Variants in ESR1 observed in about 807,000 individuals in gnomAD.
ESR1 encodes estrogen receptor.
A neutral mutation model predicts 52.7 loss-of-function variants in ESR1; 12 were observed. That is an observed-to-expected ratio of 0.23 (90% CI 0.15 to 0.37). The LOEUF (loss-of-function observed/expected upper bound fraction) is 0.37, where lower values mean the gene tolerates loss of function less well. Among genes scored for constraint, ESR1 ranks in the 10% least tolerant of loss-of-function variants. ESR1 has a pLI of 1.00. For missense variants in ESR1, 584 were observed against 779.7 expected (o/e 0.75, Z 2.99); for synonymous variants, 305 against 316.8 (o/e 0.96, Z 0.39).
chr6:152,002,133 A>G (rs947778310), intron 4 of ESR1, among the ~76,000 whole-genome samples: 6 of 151,738 alleles, frequency 4.0e-5, no homozygotes, highest in Non-Finnish European at 7.4e-5. Context: ...TTCCAGAACT[A>G]TAAGTCCCTG....
At chr6:152,039,247 C>T (rs185901744) in intron 5 of ESR1, among the ~76,000 whole-genome samples, 3 of 152,260 alleles carry the variant, frequency 2.0e-5, no homozygotes, top group Non-Finnish European at 4.4e-5. Context: ...ATTTGTAGTC[C>T]TGCCTGGATC....
chr6:151,709,541 G>A (rs1389325128), intron 2 of ESR1, among the ~76,000 whole-genome samples: 1 of 152,120 alleles, frequency 6.6e-6, no homozygotes, highest in African/African-American at 2.4e-5. Context: ...TATGATTACT[G>A]TTTTCCATAG....
chr6:151,796,123 G>A (rs554436476), intron 2 of ESR1, among the ~76,000 whole-genome samples: 119 of 150,458 alleles, frequency 7.9e-4, no homozygotes, highest in Admixed American at 6.2e-3. Flanking sequence ...CCGAGATTGG[G>A]CCACTGCACG....
chr6:151,859,949 T>C (rs928807540), intron 2 of ESR1, among the ~76,000 whole-genome samples: 1 of 152,194 alleles, frequency 6.6e-6, no homozygotes, highest in Non-Finnish European at 1.5e-5. Context: ...TTAGAGTTCA[T>C]GCTTAACCTA....
intron 2 of ESR1, among the ~76,000 whole-genome samples, chr6:151,746,446 T>C (rs1783488914): frequency 6.6e-6 from 1 of 152,206 alleles, no homozygotes. Context: ...TTTTGTGTTT[T>C]ATAACCAACC....
At position 152,016,180 on chromosome 6, in the gene ESR1, C is replaced by T. The variant is rs187738288; in HGVS notation, c.1235+4386C>T. Among the ~76,000 whole-genome samples the T allele has an allele frequency of 4.9e-3, 753 of 152,198 alleles. 5 individuals carry two copies. The highest frequency in any genetic ancestry group is 0.017 in the African/African-American group (694 of 41,534). On this transcript the variant is annotated intron_variant, in intron 5 of 7. Transcript: ENST00000206249. ...TGTGACTTTGCTCCTCCTTGCCTTC[C>T]GCCATGATTATGAGGCCTCCTCAGC...
At chr6:152,005,461 C>T (rs2128754640) in intron 4 of ESR1, among the ~76,000 whole-genome samples, 1 of 151,966 alleles carries the variant, frequency 6.6e-6, no homozygotes, top group South Asian at 2.1e-4. Flanking sequence ...GCACAAACTG[C>T]CCAATTTAAG....
At chr6:152,063,394 T>C (rs1347099557) in intron 6 of ESR1, among the ~76,000 whole-genome samples, 1 of 152,108 alleles carries the variant, frequency 6.6e-6, no homozygotes, top group East Asian at 1.9e-4. Flanking sequence ...ACAGAAGCTG[T>C]CTCTCAACCC....
At chr6:151,780,792 T>C (rs1786474992) in intron 2 of ESR1, among the ~76,000 whole-genome samples, 1 of 152,218 alleles carries the variant, frequency 6.6e-6, no homozygotes, top group African/African-American at 2.4e-5. Context: ...CCAAAACTCT[T>C]ACCCTAGTTC....
chr6:151,904,490 G>T (rs901184530), intron 3 of ESR1, among the ~76,000 whole-genome samples: 17 of 152,090 alleles, frequency 1.1e-4, no homozygotes, highest in African/African-American at 3.9e-4. Context: ...TCAAAAATAT[G>T]CATTTTATGC....
At position 151,949,615 on chromosome 6, in the gene ESR1, G is replaced by A. The variant is rs529012703; in HGVS notation, c.1096+5107G>A. ...AGAGCCTTAGGATTGGGCTGGAATC[G>A]CCCTAGCAGGCATGATGGCAGCCCC... On this transcript the variant is annotated intron_variant, in intron 4 of 7. Transcript: ENST00000206249. Among the ~76,000 whole-genome samples the A allele has an allele frequency of 1.1e-4, 16 of 152,346 alleles. No homozygotes were observed. In the East Asian group the frequency reaches 2.5e-3, roughly 24 times the overall value.
At chr6:151,980,034 G>A (rs975595232) in intron 4 of ESR1, among the ~76,000 whole-genome samples, 3 of 152,102 alleles carry the variant, frequency 2.0e-5, no homozygotes, top group Non-Finnish European at 2.9e-5. Flanking sequence ...AAGACATTTC[G>A]TTAAATATTT....
chr6:151,765,258 T>A (rs546254783), intron 2 of ESR1, among the ~76,000 whole-genome samples: 1 of 152,216 alleles, frequency 6.6e-6, no homozygotes. Context: ...ATAGATATCG[T>A]AAAATTTACA....
chr6:152,004,259 A>C (rs2042169432), intron 4 of ESR1, among the ~76,000 whole-genome samples: 1 of 152,058 alleles, frequency 6.6e-6, no homozygotes, highest in Admixed American at 6.6e-5. Context: ...TGTTTGAAGT[A>C]GAGTCAGAAT....
chr6:151,983,541 G>A (rs1249689850), intron 4 of ESR1: 2 of 152,082 alleles, frequency 1.3e-5, no homozygotes, highest in Admixed American at 1.3e-4. Flanking sequence ...GTTACCTTGT[G>A]AATAGGACTT....
intron 1 of ESR1, among the ~76,000 whole-genome samples, chr6:151,835,955 T>C (rs575075396): frequency 3.3e-5 from 5 of 152,314 alleles, no homozygotes; most frequent in African/African-American, 1.2e-4. Flanking sequence ...TGGTCACAGA[T>C]ACATGAAACG....
At chr6:152,119,519 A>C (rs1461465617) in intron 6 of ESR1, among the ~76,000 whole-genome samples, 1 of 151,740 alleles carries the variant, frequency 6.6e-6, no homozygotes, top group Non-Finnish European at 1.5e-5. Context: ...GCTTGTGCAA[A>C]TCTCCTTACC....
At chr6:151,780,216 G>T (rs1244691198) in intron 2 of ESR1, among the ~76,000 whole-genome samples, 1 of 151,886 alleles carries the variant, frequency 6.6e-6, no homozygotes, top group Non-Finnish European at 1.5e-5. Context: ...GGGGGGTTGG[G>T]GGTCAAGGGG....
chr6:151,882,166 C>A (rs946246543), intron 3 of ESR1, among the ~76,000 whole-genome samples: 1 of 151,976 alleles, frequency 6.6e-6, no homozygotes, highest in African/African-American at 2.4e-5. Context: ...GAGGAAAGAC[C>A]AAGAATGGAG....
Sources: gnomAD v4.1 joint callset for allele counts (sites outside exome capture counted in the v4.1 genomes callset) on GRCh38, gnomAD v4.1.1 for gene constraint, MANE v1.5 for transcripts, NCBI Gene and HGNC (gene_info 2026-07-23, HGNC 2026-07-21) for gene names.